Variants in TASP1 observed in about 807,000 individuals in gnomAD.
TASP1 encodes the protein taspase 1, also known as threonine aspartase 1.
A neutral mutation model predicts 56.6 loss-of-function variants in TASP1; 16 were observed. That is an observed-to-expected ratio of 0.28 (90% CI 0.19 to 0.43). The LOEUF is 0.43. TASP1 is among the 20% of genes least tolerant of loss of function. The probability of loss-of-function intolerance (pLI) is 1.00; values close to 1 mark genes in which losing one functional copy is unlikely to be tolerated. For missense variants in TASP1, 393 were observed against 511.6 expected (o/e 0.77, Z 2.24); for synonymous variants, 179 against 184.2 (o/e 0.97, Z 0.23).
At chr20:13,335,344 A>G in the TASP1 span, among the ~76,000 whole-genome samples, 1 of 151,692 alleles carries the variant, frequency 6.6e-6, no homozygotes, top group South Asian at 2.1e-4. Flanking sequence ...ACACACACAC[A>G]CACACACACA....
At chr20:13,280,687 T>G in the TASP1 span, among the ~76,000 whole-genome samples, 1 of 152,158 alleles carries the variant, frequency 6.6e-6, no homozygotes, top group South Asian at 2.1e-4. Flanking sequence ...CACACACTCG[T>G]AAGGCCCTCA....
At chr20:13,625,746 C>A (rs1200934962) in intron 2 of TASP1, among the ~76,000 whole-genome samples, 1 of 152,188 alleles carries the variant, frequency 6.6e-6, no homozygotes, top group African/African-American at 2.4e-5. Flanking sequence ...CGCATGTCCA[C>A]AACCACCACC....
intron 8 of TASP1, among the ~76,000 whole-genome samples, chr20:13,552,906 G>T (rs1042912965): frequency 3.3e-5 from 5 of 152,016 alleles, no homozygotes; most frequent in African/African-American, 1.2e-4. Context: ...AGATTTCTGG[G>T]TTTTTCTTTC....
chr20:13,493,048 G>A (rs1350588030), intron 10 of TASP1, among the ~76,000 whole-genome samples: 4 of 152,142 alleles, frequency 2.6e-5, no homozygotes, highest in South Asian at 2.1e-4. Context: ...ACACTCATAC[G>A]AAAAATCCCA....
intron 10 of TASP1, among the ~76,000 whole-genome samples, chr20:13,483,806 A>G (rs1225358213): frequency 1.3e-5 from 2 of 152,186 alleles, no homozygotes; most frequent in African/African-American, 4.8e-5. Context: ...AAATTGACAA[A>G]TGGGATCTAA....
chr20:13,219,606 A>T, the TASP1 span, among the ~76,000 whole-genome samples: 4 of 152,154 alleles, frequency 2.6e-5, no homozygotes, highest in East Asian at 5.8e-4. Flanking sequence ...ACCCAAAAAA[A>T]AATAATGAAA....
chr20:13,359,424 C>G, the TASP1 span, among the ~76,000 whole-genome samples: 2 of 151,820 alleles, frequency 1.3e-5, no homozygotes, highest in African/African-American at 2.4e-5. Context: ...CTCGGCTTAG[C>G]AGCTGAAGAC....
Position 13,391,921 on chromosome 20 carries a change from T to A in TASP1, c.1171-1469A>T, listed in dbSNP as rs569239463. Among the ~76,000 whole-genome samples the A allele has an allele frequency of 9.2e-5, 13 of 140,864 alleles. No individual in the cohort carries two copies. The South Asian group carries it at 2.6e-3, about 29-fold the overall frequency. 92.4% of individuals were successfully genotyped at this position (140,864 alleles called of 152,430 possible). On this transcript the variant is annotated intron_variant, in intron 13 of 13. Coordinates refer to ENST00000337743, the MANE Select transcript of TASP1 (RefSeq NM_017714.3). Reference sequence around the variant, plus strand: ...AGGTGGAGCTTGAAGTGAGCCGAGATCACGCCACTGCACTCGAGCCTGGGC... The same window carrying A: ...AGGTGGAGCTTGAAGTGAGCCGAGAACACGCCACTGCACTCGAGCCTGGGC...
At chr20:13,192,184 GA>G in the TASP1 span, among the ~76,000 whole-genome samples, 4 of 152,198 alleles carry the variant, frequency 2.6e-5, no homozygotes, top group Non-Finnish European at 5.9e-5. Flanking sequence ...TGCCCTGTAA[GA>G]AATGTTAAAA....
chr20:13,311,258 T>TAGAC, the TASP1 span, among the ~76,000 whole-genome samples: 1 of 118,632 alleles, frequency 8.4e-6, no homozygotes, highest in Non-Finnish European at 1.9e-5. Context: ...GATAGATAGA[T>TAGAC]AGATAGATAG....
At chr20:13,245,944 C>T in the TASP1 span, among the ~76,000 whole-genome samples, 3 of 152,128 alleles carry the variant, frequency 2.0e-5, no homozygotes, top group African/African-American at 4.8e-5. Flanking sequence ...GCCCTCTTTC[C>T]GGTTGCAAAA....
chr20:13,221,329 G>C, the TASP1 span, among the ~76,000 whole-genome samples: 2 of 147,518 alleles, frequency 1.4e-5, no homozygotes, highest in African/African-American at 2.5e-5. Flanking sequence ...CTGCGGCGCC[G>C]CGGCCACATC....
the TASP1 span, among the ~76,000 whole-genome samples, chr20:13,173,962 T>A: frequency 1.3e-5 from 2 of 152,308 alleles, no homozygotes; most frequent in African/African-American, 2.4e-5. Flanking sequence ...TTGTGACCTT[T>A]CAGAATTTTG....
chr20:13,485,473 A>T (rs2043291329), intron 10 of TASP1, among the ~76,000 whole-genome samples: 1 of 152,034 alleles, frequency 6.6e-6, no homozygotes, highest in Admixed American at 6.6e-5. Context: ...AAAAGGATGA[A>T]TTTTTTTTAG....
At chr20:13,597,995 AAGG>A (rs540899866) in intron 4 of TASP1, among the ~76,000 whole-genome samples, 4,305 of 152,314 alleles carry the variant, frequency 0.028, 214 homozygotes, top group African/African-American at 0.095. Context: ...GGACCTCTTC[AAGG>A]AGAACTACAA....
chr20:13,260,466 G>A, the TASP1 span, among the ~76,000 whole-genome samples: 2 of 152,232 alleles, frequency 1.3e-5, no homozygotes, highest in Non-Finnish European at 2.9e-5. Flanking sequence ...CTAACAGGTA[G>A]AAGGATAGAG....
chr20:13,122,514 G>C, the TASP1 span, among the ~76,000 whole-genome samples: 45,417 of 152,054 alleles, frequency 0.3, 6,934 homozygotes, highest in Admixed American at 0.34. Flanking sequence ...TGGGGCTCCA[G>C]AGCCAGCTTC....
intron 11 of TASP1, among the ~76,000 whole-genome samples, chr20:13,474,725 T>C (rs897840170): frequency 6.6e-6 from 1 of 152,224 alleles, no homozygotes; most frequent in Non-Finnish European, 1.5e-5. Context: ...TTTTCCATAA[T>C]GATTGCACAA....
At chr20:13,394,307 C>CAAAAAAAAAAAAAAAAA (rs57418361) in intron 13 of TASP1, among the ~76,000 whole-genome samples, 8 of 42,948 alleles carry the variant, frequency 1.9e-4, no homozygotes, top group African/African-American at 5.5e-4. Flanking sequence ...CACTCCCTCT[C>CAAAAAAAAAAAAAAAAA]AAAAAAAAAA....
Sources: allele counts gnomAD v4.1 joint callset (sites outside exome capture counted in the v4.1 genomes callset), GRCh38; gene constraint gnomAD v4.1.1; transcripts MANE v1.5; gene names NCBI Gene and HGNC (gene_info 2026-07-23, HGNC 2026-07-21).